Variants in SENP8 observed in about 807,000 individuals in gnomAD.
SENP8 encodes the protein SUMO peptidase family member, NEDD8 specific, also known as sentrin-specific protease 8.
SENP8 carries 10 observed loss-of-function variants against 14.4 expected under a neutral mutation model. The ratio of observed to expected loss-of-function variants is 0.69; its 90% confidence interval spans 0.43 to 1.18. The LOEUF (loss-of-function observed/expected upper bound fraction) is 1.18, where lower values mean the gene tolerates loss of function less well. SENP8 is among the 50% of genes most tolerant of loss of function. The probability of loss-of-function intolerance (pLI) is 0.00; values close to 1 mark genes in which losing one functional copy is unlikely to be tolerated. For missense variants in SENP8, 202 were observed against 249.4 expected (o/e 0.81, Z 1.28); for synonymous variants, 94 against 95.5 (o/e 0.98, Z 0.09).
At chr15:72,124,809 A>C (rs915551198) in intron 1 of SENP8, among the ~76,000 whole-genome samples, 2 of 152,160 alleles carry the variant, frequency 1.3e-5, no homozygotes, top group African/African-American at 4.8e-5. Context: ...CACAATATCA[A>C]AAGGTAGAAG....
chr15:72,140,352 A>T lies in SENP8; in HGVS notation c.*90A>T. On this transcript the variant is annotated 3_prime_UTR_variant, in exon 2 of 2. Transcript: ENST00000340912. ...CTGCAATCTCAGTGCCTGAGGGAAG[A>T]TGCCTAGTAGAGGAAAGCTTAATAC... 1.1e-6 allele frequency: 1 copy of T among 894,922 alleles called. No individual in the cohort carries two copies. The highest frequency in any genetic ancestry group is 1.6e-5 in the South Asian group (1 of 63,588). 55.4% of individuals were successfully genotyped at this position (894,922 alleles called of 1,614,324 possible). A position where few individuals can be genotyped will look rare whatever the true frequency, so the allele number is the denominator to read the frequency against.
At chr15:72,131,222 A>C (rs1358883101) in intron 1 of SENP8, among the ~76,000 whole-genome samples, 2 of 152,166 alleles carry the variant, frequency 1.3e-5, no homozygotes, top group Non-Finnish European at 2.9e-5. Flanking sequence ...ATTTTTTTAA[A>C]TCTCATAGAT....
intron 1 of SENP8, among the ~76,000 whole-genome samples, chr15:72,122,079 G>A (rs551859396): frequency 1.7e-3 from 262 of 152,234 alleles, no homozygotes; most frequent in Non-Finnish European, 3.3e-3. Context: ...TTAAAAGTCA[G>A]AACTCCTCTC....
intron 1 of SENP8, 169 bp from the exon 2 acceptor site, chr15:72,139,408 G>A (rs1596660591): frequency 1.8e-6 from 1 of 550,354 alleles, no homozygotes; most frequent in East Asian, 3.0e-5. Flanking sequence ...CTGTCTCAGG[G>A]GTGGCAGAGG....
At chr15:72,118,104 C>T, upstream of SENP8, 1 of 390,164 alleles carries the variant, frequency 2.6e-6, no homozygotes, top group Non-Finnish European at 4.5e-6. Flanking sequence ...GCGCACGCGG[C>T]CCCGCCCCGC....
rs760136729 is a variant in SENP8, at chr15:72,142,628, A to C, written c.*2366A>C. 2 of 152,192 alleles carry C rather than the reference A, an allele frequency of 1.3e-5. No individual in the cohort carries two copies. The highest frequency in any genetic ancestry group is 2.4e-5 in the African/African-American group (1 of 41,444). 9.4% of individuals were successfully genotyped at this position (152,192 alleles called of 1,614,324 possible). A position where few individuals can be genotyped will look rare whatever the true frequency, so the allele number is the denominator to read the frequency against. On this transcript the variant is annotated 3_prime_UTR_variant, in exon 2 of 2. Transcript: ENST00000340912. ...CCGTGTCTCAATATGGAATTCAGAA[A>C]AGTTACCATATATAAACCCAGCTAT...
At position 72,139,591 on chromosome 15, in the gene SENP8, C is replaced by T; in HGVS notation, c.-33C>T. The T allele has an allele frequency of 6.3e-7, 1 of 1,583,562 alleles. No homozygotes were observed. The highest frequency in any genetic ancestry group is 8.6e-7 in the Non-Finnish European group (1 of 1,163,786). On this transcript the variant is annotated 5_prime_UTR_variant, in exon 2 of 2. Transcript: ENST00000340912. Reference sequence around the variant, plus strand: ...TTGTCTTCTAGCTCTTGTTCAGCTTCTGGAATTTCTGAGCAGCCCTCGTCA... The same window carrying T: ...TTGTCTTCTAGCTCTTGTTCAGCTTTTGGAATTTCTGAGCAGCCCTCGTCA...
At chr15:72,129,186 C>T (rs971449217) in intron 1 of SENP8, among the ~76,000 whole-genome samples, 25 of 152,158 alleles carry the variant, frequency 1.6e-4, no homozygotes, top group African/African-American at 5.6e-4. Flanking sequence ...AGACAATTAT[C>T]GTTAATATCC....
At chr15:72,119,588 T>C (rs2151314854) in intron 1 of SENP8, among the ~76,000 whole-genome samples, 1 of 152,066 alleles carries the variant, frequency 6.6e-6, no homozygotes, top group Admixed American at 6.5e-5. Flanking sequence ...CTCTACTAAA[T>C]ATACAAAAAA....
intron 1 of SENP8, among the ~76,000 whole-genome samples, chr15:72,122,627 A>G (rs1026200239): frequency 8.5e-5 from 13 of 152,202 alleles, no homozygotes; most frequent in Admixed American, 6.5e-4. Flanking sequence ...TAACTAGCCT[A>G]TATTGACTTT....
At chr15:72,133,712 A>G (rs1446487270) in intron 1 of SENP8, among the ~76,000 whole-genome samples, 1 of 152,202 alleles carries the variant, frequency 6.6e-6, no homozygotes, top group Non-Finnish European at 1.5e-5. Flanking sequence ...GTAGGTATTT[A>G]TTGACTAAAA....
chr15:72,125,166 T>G (rs899537417), intron 1 of SENP8, among the ~76,000 whole-genome samples: 1 of 152,286 alleles, frequency 6.6e-6, no homozygotes, highest in Non-Finnish European at 1.5e-5. Flanking sequence ...GTATAATACC[T>G]ACATATATAA....
chr15:72,116,219 CTT>C (rs1441090022), upstream of SENP8, among the ~76,000 whole-genome samples: 1 of 152,150 alleles, frequency 6.6e-6, no homozygotes, highest in East Asian at 1.9e-4. Flanking sequence ...TCTTCCGAAA[CTT>C]TTGGCTTTTA....
At chr15:72,122,393 T>G (rs1326871655) in intron 1 of SENP8, among the ~76,000 whole-genome samples, 612 of 128,362 alleles carry the variant, frequency 4.8e-3, no homozygotes, top group Middle Eastern at 0.029. Flanking sequence ...CAAAAGAATG[T>G]GAAGTCCTCA....
chr15:72,136,669 A>G (rs2081330457), intron 1 of SENP8, among the ~76,000 whole-genome samples: 1 of 152,214 alleles, frequency 6.6e-6, no homozygotes, highest in African/African-American at 2.4e-5. Context: ...TATCACAAAA[A>G]TTATTGCTTA....
At chr15:72,128,250 A>C (rs1199467626) in intron 1 of SENP8, among the ~76,000 whole-genome samples, 1 of 152,240 alleles carries the variant, frequency 6.6e-6, no homozygotes, top group Non-Finnish European at 1.5e-5. Context: ...GGCAGGCAAA[A>C]TTGGGACACA....
In SENP8 at chr15:72,139,453, G is replaced by T. The variant is rs78552848; in HGVS notation, c.-47-124G>T. 3.1e-3 allele frequency: 2,993 copies of T among 959,060 alleles called. 100 individuals carry two copies. The East Asian group carries it at 0.066, about 21-fold the overall frequency. 59.4% of individuals were successfully genotyped at this position (959,060 alleles called of 1,614,324 possible). On this transcript the variant is annotated intron_variant, in intron 1 of 1. Coordinates refer to ENST00000340912, the MANE Select transcript of SENP8 (RefSeq NM_145204.4). ...ATCCATGTGTAAGTAGATCTGCACA[G>T]ATCAAACCCACCTTGTCCAAGGGTC...
At chr15:72,116,551 T>C (rs1257337632), upstream of SENP8, among the ~76,000 whole-genome samples, 1 of 151,928 alleles carries the variant, frequency 6.6e-6, no homozygotes, top group Non-Finnish European at 1.5e-5. Context: ...AAGTTTATTA[T>C]TAAACCGACA....
intron 1 of SENP8, among the ~76,000 whole-genome samples, chr15:72,131,100 G>A (rs2140511080): frequency 6.6e-6 from 1 of 152,284 alleles, no homozygotes; most frequent in Non-Finnish European, 1.5e-5. Context: ...CTACTCAAGA[G>A]GCTGAGGCAG....
Sources: gnomAD v4.1 joint callset for allele counts (sites outside exome capture counted in the v4.1 genomes callset) on GRCh38, gnomAD v4.1.1 for gene constraint, MANE v1.5 for transcripts, NCBI Gene and HGNC (gene_info 2026-07-23, HGNC 2026-07-21) for gene names.